Variants in HSPA12A observed in about 807,000 individuals in gnomAD.
HSPA12A encodes the protein heat shock 70 kDa protein 12A.
A neutral mutation model predicts 69.2 loss-of-function variants in HSPA12A; 28 were observed. The observed-to-expected ratio is 0.40, with a 90% CI of 0.30 to 0.55. The LOEUF (loss-of-function observed/expected upper bound fraction) is 0.55, where lower values mean the gene tolerates loss of function less well. HSPA12A is among the 20% of genes least tolerant of loss of function. The probability of loss-of-function intolerance (pLI) is 0.38; values close to 1 mark genes in which losing one functional copy is unlikely to be tolerated. For synonymous variants in HSPA12A, 345 were observed against 370.5 expected, an observed-to-expected ratio of 0.93 and a Z score of 0.79; for missense variants, 686 against 900.7, an observed-to-expected ratio of 0.76 and a Z score of 3.05.
intron 2 of HSPA12A, among the ~76,000 whole-genome samples, chr10:116,813,247 A>ATTTTTTTTTT (rs71013618): frequency 0.012 from 1,183 of 99,992 alleles, 80 homozygotes; most frequent in Non-Finnish European, 0.018. Context: ...CCAGAGCTCT[A>ATTTTTTTTTT]TTTTTTTTTT....
rs539020190 is a variant in HSPA12A at position 116,707,608 on chromosome 10, T to C, written c.41-323A>G. Among the ~76,000 whole-genome samples the C allele has an allele frequency of 6.6e-5, 10 of 152,354 alleles. No individual in the cohort carries two copies. The South Asian group carries it at 2.1e-3, about 32-fold the overall frequency. On this transcript the variant is annotated intron_variant, in intron 1 of 11. Coordinates refer to ENST00000369209, the MANE Select transcript of HSPA12A (RefSeq NM_025015.3). Reference sequence around the variant, plus strand: ...GCTCCGCTCCTGGCTGTGTTGTCTGTGGAGCCAGAGGCCAGGCTCCATGAT... The same window carrying C: ...GCTCCGCTCCTGGCTGTGTTGTCTGCGGAGCCAGAGGCCAGGCTCCATGAT...
chr10:116,795,237 G>A (rs896188626), intron 2 of HSPA12A, among the ~76,000 whole-genome samples: 2 of 152,112 alleles, frequency 1.3e-5, no homozygotes, highest in African/African-American at 4.8e-5. Context: ...AAACATGCTA[G>A]GCTGTCTTCC....
In HSPA12A at chr10:116,673,124, A is replaced by T. The variant is rs1403978923; in HGVS notation, c.*1657T>A. 1 of 152,544 alleles carries T rather than the reference A, an allele frequency of 6.6e-6. No homozygotes were observed. Among genetic ancestry groups the T allele is most frequent in the Non-Finnish European group, 1.5e-5 (1 of 68,026 alleles). The allele number at this position is 152,544 out of a possible 1,614,324, so 9.4% of individuals were successfully genotyped here. ...TAATGAATTTCAGCAGGTGGAAAAG[A>T]CAGCTTTGAACAGATCAGATGGGCT... On this transcript the variant is annotated 3_prime_UTR_variant, in exon 12 of 12. Transcript: ENST00000369209.
At chr10:116,781,872 A>G (rs1053027451) in intron 2 of HSPA12A, among the ~76,000 whole-genome samples, 1 of 152,230 alleles carries the variant, frequency 6.6e-6, no homozygotes, top group Admixed American at 6.5e-5. Flanking sequence ...ACATGCAAAC[A>G]GTAAAGGAGA....
chr10:116,731,228 G>C (rs1554885707), intron 1 of HSPA12A, among the ~76,000 whole-genome samples: 1 of 152,230 alleles, frequency 6.6e-6, no homozygotes, highest in Non-Finnish European at 1.5e-5. Context: ...AACGAATTTT[G>C]CTTGTGAGTA....
At chr10:116,810,358 A>C (rs1845153425) in intron 2 of HSPA12A, among the ~76,000 whole-genome samples, 1 of 151,776 alleles carries the variant, frequency 6.6e-6, no homozygotes, top group African/African-American at 2.4e-5. Context: ...CATTTAACTG[A>C]CCTTTGGCCA....
At chr10:116,770,352 C>A (rs1233922521) in intron 2 of HSPA12A, among the ~76,000 whole-genome samples, 1 of 152,218 alleles carries the variant, frequency 6.6e-6, no homozygotes, top group Non-Finnish European at 1.5e-5. Flanking sequence ...ACCGAAGGGG[C>A]AGATGTGGGG....
At chr10:116,841,797 T>TA (rs913893702) in intron 1 of HSPA12A, among the ~76,000 whole-genome samples, 12 of 152,008 alleles carry the variant, frequency 7.9e-5, no homozygotes, top group African/African-American at 2.7e-4. Context: ...CTTTTTTTTT[T>TA]AATACTCAAA....
At chr10:116,802,789 C>A (rs1237812532) in intron 2 of HSPA12A, among the ~76,000 whole-genome samples, 2 of 152,252 alleles carry the variant, frequency 1.3e-5, no homozygotes, top group Non-Finnish European at 2.9e-5. Context: ...GGACATCCTT[C>A]CCTGCCCACT....
intron 5 of HSPA12A, among the ~76,000 whole-genome samples, chr10:116,693,217 A>G (rs546890883): frequency 6.6e-6 from 1 of 152,278 alleles, no homozygotes; most frequent in Non-Finnish European, 1.5e-5. Context: ...TCCCAACAGG[A>G]AGGGAAGGCT....
At chr10:116,699,672 C>T (rs989364302) in intron 4 of HSPA12A, among the ~76,000 whole-genome samples, 2 of 152,300 alleles carry the variant, frequency 1.3e-5, no homozygotes, top group Admixed American at 6.5e-5. Context: ...TGGTGCCCAA[C>T]AAAGATACCC....
chr10:116,766,728 C>G (rs1240060146), intron 2 of HSPA12A, among the ~76,000 whole-genome samples: 2 of 152,226 alleles, frequency 1.3e-5, no homozygotes, highest in Non-Finnish European at 2.9e-5. Flanking sequence ...TTCAAACTCA[C>G]TCTTGCTAGG....
At chr10:116,811,690 G>A (rs1362126486) in intron 2 of HSPA12A, among the ~76,000 whole-genome samples, 3 of 152,136 alleles carry the variant, frequency 2.0e-5, no homozygotes, top group African/African-American at 4.8e-5. Context: ...GAGACGGCAT[G>A]GTGAAGAAGG....
rs143092266 is a variant in HSPA12A, at chr10:116,757,878, C to G, written c.92-50593G>C. Among the ~76,000 whole-genome samples the G allele has an allele frequency of 4.8e-4, 73 of 152,310 alleles. No homozygotes were observed. In the East Asian group the frequency reaches 0.013, roughly 28 times the overall value. ...ACATCCAGATAAATACAAATCCCAT[C>G]TATCTACTTCTCTACCTATGAGATA... is the stretch of plus-strand genomic sequence containing the variant. On this transcript the variant is annotated intron_variant, in intron 2 of 12. Coordinates refer to the HSPA12A transcript ENST00000635765.
chr10:116,704,575 C>T (rs1271214535), intron 3 of HSPA12A, among the ~76,000 whole-genome samples: 1 of 151,234 alleles, frequency 6.6e-6, no homozygotes, highest in Non-Finnish European at 1.5e-5. Flanking sequence ...CAAACCTGCA[C>T]GTTGTGCACA....
chr10:116,722,826 C>G (rs1303319953), intron 1 of HSPA12A, among the ~76,000 whole-genome samples: 1 of 152,134 alleles, frequency 6.6e-6, no homozygotes, highest in Admixed American at 6.5e-5. Context: ...CACATGGACT[C>G]TTCATGAGAC....
chr10:116,796,150 AAAAAAAAAAAAAAAAAG>A (rs1386713968), intron 2 of HSPA12A, among the ~76,000 whole-genome samples: 2 of 58,052 alleles, frequency 3.4e-5, no homozygotes, highest in Non-Finnish European at 1.1e-4. Flanking sequence ...TCCATCAAAA[AAAAAAAAAAAAAAAAAG>A]AAAGAAAGAA....
chr10:116,722,583 T>C (rs553031520), intron 1 of HSPA12A, among the ~76,000 whole-genome samples: 72 of 152,186 alleles, frequency 4.7e-4, no homozygotes, highest in African/African-American at 1.7e-3. Context: ...CCAGGGCCGA[T>C]GTGAAACATC....
At chr10:116,695,516 T>A (rs1554880708) in intron 5 of HSPA12A, among the ~76,000 whole-genome samples, 1 of 152,016 alleles carries the variant, frequency 6.6e-6, no homozygotes, top group East Asian at 1.9e-4. Flanking sequence ...ATCCCATCTC[T>A]ACTAAAAATA....
Sources: allele counts gnomAD v4.1 joint callset (sites outside exome capture counted in the v4.1 genomes callset), GRCh38; gene constraint gnomAD v4.1.1; transcripts MANE v1.5; gene names NCBI Gene and HGNC (gene_info 2026-07-23, HGNC 2026-07-21).